The following DPP10 variants were observed in gnomAD, a reference collection of about 807,000 sequenced individuals.
The protein encoded by DPP10 is dipeptidyl peptidase like 10.
Under a neutral mutation model 120.9 loss-of-function variants are expected in DPP10, and 33 were observed. That is an observed-to-expected ratio of 0.27 (90% CI 0.21 to 0.37). The LOEUF (loss-of-function observed/expected upper bound fraction) is 0.37. Among genes scored for constraint, DPP10 ranks in the 10% least tolerant of loss-of-function variants. DPP10 has a pLI of 1.00. For synonymous variants in DPP10, 337 were observed against 326.1 expected, an observed-to-expected ratio of 1.03 and a Z score of -0.36; for missense variants, 816 against 942.8, an observed-to-expected ratio of 0.87 and a Z score of 1.76.
chr2:115,263,001 A>C (rs1042499420), intron 1 of DPP10, among the ~76,000 whole-genome samples: 13 of 152,194 alleles, frequency 8.5e-5, no homozygotes, highest in African/African-American at 2.7e-4. Context: ...GGCAGCCTGC[A>C]CAGTAATGAT....
chr2:114,463,159 C>A (rs148626050), intron 1 of DPP10, among the ~76,000 whole-genome samples: 1 of 152,110 alleles, frequency 6.6e-6, no homozygotes, highest in South Asian at 2.1e-4. Flanking sequence ...GCTAGGAAAT[C>A]TATATGTGCA....
intron 12 of DPP10, among the ~76,000 whole-genome samples, chr2:115,762,850 A>T (rs1219102402): frequency 6.6e-6 from 1 of 152,184 alleles, no homozygotes; most frequent in African/African-American, 2.4e-5. Flanking sequence ...ATCACTTTTT[A>T]AAATATTCTG....
rs542642626 is a variant in DPP10 at position 114,990,824 on chromosome 2, T to A, written c.61-318415T>A. 8.5e-5 allele frequency among the ~76,000 whole-genome samples: 13 copies of A among 152,296 alleles called. No homozygotes were observed. The South Asian group carries it at 2.5e-3, about 29-fold the overall frequency. ...CCCAGCCCAGACTTCAATAATGCAT[T>A]GAACTTGCTGTCGCTGATAGTCCTT... On this transcript the variant is annotated intron_variant, in intron 1 of 25. Coordinates refer to ENST00000410059, the MANE Select transcript of DPP10 (RefSeq NM_020868.6).
At chr2:115,807,920 A>G (rs1039118836) in intron 19 of DPP10, among the ~76,000 whole-genome samples, 2 of 152,224 alleles carry the variant, frequency 1.3e-5, no homozygotes, top group African/African-American at 4.8e-5. Flanking sequence ...ACAGATAACA[A>G]TGTTAATGAA....
intron 1 of DPP10, among the ~76,000 whole-genome samples, chr2:115,188,205 A>C (rs2054604085): frequency 6.6e-6 from 1 of 152,174 alleles, no homozygotes; most frequent in South Asian, 2.1e-4. Context: ...ACCTTTTGAA[A>C]ATTTTTGTTT....
intron 3 of DPP10, among the ~76,000 whole-genome samples, chr2:115,477,898 T>G (rs1229477314): frequency 1.3e-5 from 2 of 152,186 alleles, no homozygotes; most frequent in African/African-American, 4.8e-5. Flanking sequence ...TGGCATCTAC[T>G]TGGCTTCTGG....
At chr2:114,467,757 T>C (rs1313193687) in intron 1 of DPP10, among the ~76,000 whole-genome samples, 4 of 152,072 alleles carry the variant, frequency 2.6e-5, no homozygotes, top group African/African-American at 9.7e-5. Flanking sequence ...CCCAGCACTT[T>C]AGGAGGTTTA....
intron 1 of DPP10, among the ~76,000 whole-genome samples, chr2:115,286,508 T>G (rs2060390152): frequency 3.3e-5 from 1 of 30,404 alleles, no homozygotes; most frequent in Non-Finnish European, 8.3e-5. Flanking sequence ...ATATATTACA[T>G]ATATAATATA....
intron 1 of DPP10, among the ~76,000 whole-genome samples, chr2:115,044,846 T>A (rs1704940700): frequency 6.6e-6 from 1 of 152,158 alleles, no homozygotes; most frequent in Admixed American, 6.6e-5. Flanking sequence ...AATTTTTAGA[T>A]CCCACAAATA....
At chr2:115,579,334 A>G (rs985327875) in intron 5 of DPP10, 1 of 152,222 alleles carries the variant, frequency 6.6e-6, no homozygotes, top group African/African-American at 2.4e-5. Flanking sequence ...AATTATGGAT[A>G]CCTGTCTCAT....
At chr2:114,597,623 G>T (rs537463809) in intron 1 of DPP10, among the ~76,000 whole-genome samples, 1 of 151,874 alleles carries the variant, frequency 6.6e-6, no homozygotes, top group African/African-American at 2.4e-5. Context: ...AGTCACTTAG[G>T]TGATGGAAAT....
Position 115,023,295 on chromosome 2 carries a change from C to T in DPP10, c.61-285944C>T, listed in dbSNP as rs189496255. On this transcript the variant is annotated intron_variant, in intron 1 of 25. Transcript: ENST00000410059. ...AGAATCTACAAAAAACTCAAATCAT[C>T]AAGAAAAGAAACAATCCCATCTAAG... Among the ~76,000 whole-genome samples, 7 of 151,366 alleles carry T rather than the reference C, an allele frequency of 4.6e-5. No individual in the cohort carries two copies. In the East Asian group the frequency reaches 1.4e-3, roughly 29 times the overall value.
intron 3 of DPP10, among the ~76,000 whole-genome samples, chr2:115,372,574 TC>T (rs1352502297): frequency 2.6e-5 from 4 of 152,168 alleles, no homozygotes; most frequent in African/African-American, 9.7e-5. Flanking sequence ...CTGGCTCACA[TC>T]CTTGCAGTGG....
chr2:115,254,972 T>G (rs1028963493), intron 1 of DPP10, among the ~76,000 whole-genome samples: 2 of 152,138 alleles, frequency 1.3e-5, no homozygotes, highest in Non-Finnish European at 2.9e-5. Context: ...TCTGCCATTC[T>G]GGGATCTGGA....
intron 1 of DPP10, among the ~76,000 whole-genome samples, chr2:114,653,025 A>AGTGTGTGTGTGTGT (rs753807245): frequency 1.4e-3 from 163 of 118,880 alleles, no homozygotes; most frequent in African/African-American, 6.4e-3. Flanking sequence ...AGAGAGAGAG[A>AGTGTGTGTGTGTGT]GAGTGTGTGT....
chr2:115,589,809 C>A (rs2082515718), intron 5 of DPP10, among the ~76,000 whole-genome samples: 1 of 152,150 alleles, frequency 6.6e-6, no homozygotes, highest in South Asian at 2.1e-4. Flanking sequence ...CTAAGACTGG[C>A]ATTCATAATT....
chr2:115,768,450 TCCCCGAAGG>T, intron 13 of DPP10, 46 bp downstream of exon 13: 1 of 1,547,986 alleles, frequency 6.5e-7, no homozygotes, highest in Non-Finnish European at 8.9e-7. Flanking sequence ...TGTCCTCATG[TCCCCGAAGG>T]CCCAGTTCTT....
At chr2:115,790,840 A>G (rs1683891509) in intron 17 of DPP10, among the ~76,000 whole-genome samples, 1 of 152,208 alleles carries the variant, frequency 6.6e-6, no homozygotes, top group African/African-American at 2.4e-5. Context: ...GGTTAACAAT[A>G]TGATCAGATT....
intron 3 of DPP10, among the ~76,000 whole-genome samples, chr2:115,370,385 A>C (rs549414649): frequency 1.2e-4 from 19 of 152,252 alleles, no homozygotes; most frequent in African/African-American, 3.6e-4. Context: ...AAGAATTGAC[A>C]GCTTGATCTC....
Sources: allele counts gnomAD v4.1 joint callset (sites outside exome capture counted in the v4.1 genomes callset), GRCh38; gene constraint gnomAD v4.1.1; transcripts MANE v1.5; gene names NCBI Gene and HGNC (gene_info 2026-07-23, HGNC 2026-07-21).